TSPAN9: variants seen among roughly 807,000 people sequenced by gnomAD.
TSPAN9 encodes tetraspanin-9.
TSPAN9 carries 16 observed loss-of-function variants against 31.0 expected under a neutral mutation model. The observed-to-expected ratio is 0.52, with a 90% CI of 0.35 to 0.78. The LOEUF (loss-of-function observed/expected upper bound fraction) is 0.78. Among genes scored for constraint, TSPAN9 ranks in the 30% least tolerant of loss-of-function variants. The pLI, the probability that TSPAN9 is intolerant of heterozygous loss-of-function variation, is 0.01. For synonymous variants in TSPAN9, 145 were observed against 121.6 expected, an observed-to-expected ratio of 1.19 and a Z score of -1.27; for missense variants, 272 against 312.5, an observed-to-expected ratio of 0.87 and a Z score of 0.98.
At chr12:3,250,492 C>T (rs539255246) in intron 3 of TSPAN9, among the ~76,000 whole-genome samples, 2 of 152,308 alleles carry the variant, frequency 1.3e-5, no homozygotes, top group Admixed American at 6.5e-5. Context: ...TGGTGTATTT[C>T]ATGTGTGAGA....
intron 3 of TSPAN9, among the ~76,000 whole-genome samples, chr12:3,239,993 C>G (rs984058450): frequency 6.6e-6 from 1 of 151,204 alleles, no homozygotes; most frequent in African/African-American, 2.4e-5. Context: ...TAACGAATGA[C>G]CTTATTTAGT....
chr12:3,106,870 A>T (rs2098314965), intron 2 of TSPAN9, among the ~76,000 whole-genome samples: 1 of 152,192 alleles, frequency 6.6e-6, no homozygotes, highest in African/African-American at 2.4e-5. Flanking sequence ...GCTCAGGCTG[A>T]CTGTCTTCAC....
chr12:3,246,788 C>T (rs1862140009), intron 3 of TSPAN9, among the ~76,000 whole-genome samples: 1 of 152,196 alleles, frequency 6.6e-6, no homozygotes, highest in East Asian at 1.9e-4. Context: ...GCCCCACCAT[C>T]CCACCAGCCT....
At chr12:3,183,109 G>C (rs527828135) in intron 2 of TSPAN9, among the ~76,000 whole-genome samples, 1 of 152,340 alleles carries the variant, frequency 6.6e-6, no homozygotes, top group Non-Finnish European at 1.5e-5. Context: ...GAGCACCCGC[G>C]GTGGCCAAGT....
intron 2 of TSPAN9, among the ~76,000 whole-genome samples, chr12:3,145,829 G>A (rs140843911): frequency 3.3e-4 from 51 of 152,348 alleles, no homozygotes; most frequent in South Asian, 1.2e-3. Flanking sequence ...GAAAGGCCTG[G>A]CGTGGTGGCC....
chr12:3,184,701 G>A (rs562346455), intron 2 of TSPAN9, among the ~76,000 whole-genome samples: 39 of 152,336 alleles, frequency 2.6e-4, no homozygotes, highest in Non-Finnish European at 4.0e-4. Flanking sequence ...TGTGTGACCC[G>A]TCCTGCCCTG....
intron 2 of TSPAN9, chr12:3,171,704 T>C (rs1428845876): frequency 1.3e-5 from 2 of 152,208 alleles, no homozygotes; most frequent in African/African-American, 4.8e-5. Context: ...TATTGACAGA[T>C]GATTAAAATT....
intron 3 of TSPAN9, among the ~76,000 whole-genome samples, chr12:3,262,267 T>G (rs1472493469): frequency 2.0e-5 from 3 of 152,202 alleles, no homozygotes; most frequent in Non-Finnish European, 4.4e-5. Flanking sequence ...CGTGCCAGCC[T>G]GTATCTCAAA....
intron 2 of TSPAN9, among the ~76,000 whole-genome samples, chr12:3,183,914 C>T (rs947299072): frequency 1.3e-5 from 2 of 152,012 alleles, no homozygotes; most frequent in Admixed American, 6.6e-5. Context: ...TTGTGATGGT[C>T]GCGTATGTGA....
intron 2 of TSPAN9, among the ~76,000 whole-genome samples, chr12:3,158,339 T>C (rs1002671483): frequency 1.3e-5 from 2 of 152,176 alleles, no homozygotes; most frequent in African/African-American, 2.4e-5. Flanking sequence ...CACTCCCTTT[T>C]CCTATCTCAG....
intron 2 of TSPAN9, among the ~76,000 whole-genome samples, chr12:3,198,425 C>G (rs377174353): frequency 0.024 from 920 of 37,852 alleles, 32 homozygotes; most frequent in Non-Finnish European, 0.043. Context: ...ACCAGCACAG[C>G]TCACCACCAG....
chr12:3,191,637 C>T (rs1337849898), intron 2 of TSPAN9, among the ~76,000 whole-genome samples: 1 of 151,932 alleles, frequency 6.6e-6, no homozygotes, highest in African/African-American at 2.4e-5. Flanking sequence ...GCCCTGCCTG[C>T]CCTGTGCCTG....
chr12:3,096,029 C>T (rs1474453931), intron 2 of TSPAN9, among the ~76,000 whole-genome samples: 1 of 51,248 alleles, frequency 2.0e-5, no homozygotes, highest in Admixed American at 1.4e-4. Flanking sequence ...TCCGCTCCTC[C>T]AGCCGCTGCC....
chr12:3,109,670 C>T (rs4766044), intron 2 of TSPAN9, among the ~76,000 whole-genome samples: 57,611 of 151,196 alleles, frequency 0.38, 12,103 homozygotes, highest in Admixed American at 0.51. Flanking sequence ...TCGTGGCAGG[C>T]GCCTGTAATC....
chr12:3,114,490 A>G (rs185988824), intron 2 of TSPAN9, among the ~76,000 whole-genome samples: 81 of 152,254 alleles, frequency 5.3e-4, no homozygotes, highest in African/African-American at 1.8e-3. Flanking sequence ...AGACACTGGC[A>G]GGAGGTGGTG....
intron 2 of TSPAN9, among the ~76,000 whole-genome samples, chr12:3,138,139 T>G (rs542301877): frequency 2.0e-5 from 3 of 152,304 alleles, no homozygotes; most frequent in East Asian, 3.9e-4. Context: ...CGTTCTGGAA[T>G]GGAGGGCTCT....
intron 2 of TSPAN9, among the ~76,000 whole-genome samples, chr12:3,110,604 G>C (rs1306340577): frequency 6.6e-6 from 1 of 152,116 alleles, no homozygotes; most frequent in Non-Finnish European, 1.5e-5. Flanking sequence ...GTTTGTTGCA[G>C]GATCCTTTGT....
At chr12:3,266,288 A>C (rs1323404693) in intron 3 of TSPAN9, among the ~76,000 whole-genome samples, 1 of 152,042 alleles carries the variant, frequency 6.6e-6, no homozygotes, top group Non-Finnish European at 1.5e-5. Context: ...TCTTCACTGA[A>C]CCTCGCTATG....
intron 3 of TSPAN9, among the ~76,000 whole-genome samples, chr12:3,253,276 T>C (rs576362816): frequency 6.6e-6 from 1 of 152,326 alleles, no homozygotes; most frequent in East Asian, 1.9e-4. Flanking sequence ...GATCATTAAA[T>C]TGCTTAGGAG....
Sources: gnomAD v4.1 joint callset for allele counts (sites outside exome capture counted in the v4.1 genomes callset) on GRCh38, gnomAD v4.1.1 for gene constraint, MANE v1.5 for transcripts, NCBI Gene and HGNC (gene_info 2026-07-23, HGNC 2026-07-21) for gene names.